The following CSMD1 variants were observed in gnomAD, a reference collection of about 807,000 sequenced individuals.
CSMD1 encodes the protein CUB and Sushi multiple domains 1, also known as CUB and sushi domain-containing protein 1.
CSMD1 carries 213 observed loss-of-function variants against 417.5 expected under a neutral mutation model. That is an observed-to-expected ratio of 0.51 (90% CI 0.46 to 0.57). The LOEUF (loss-of-function observed/expected upper bound fraction) is 0.57, where lower values mean the gene tolerates loss of function less well. Ranked by LOEUF, CSMD1 falls within the 20% of genes least tolerant of loss-of-function variation. The probability of loss-of-function intolerance (pLI) is 0.00; values close to 1 mark genes in which losing one functional copy is unlikely to be tolerated. For missense variants in CSMD1, 6,923 were observed against 4,529.7 expected, an observed-to-expected ratio of 1.53 and a Z score of -15.17; for synonymous variants, 2,862 against 1,736.8, an observed-to-expected ratio of 1.65 and a Z score of -16.11.
intron 1 of CSMD1, among the ~76,000 whole-genome samples, chr8:4,738,903 T>TGTGTGTGTGTGTGTG (rs140973405): frequency 2.0e-5 from 3 of 147,396 alleles, no homozygotes; most frequent in African/African-American, 5.2e-5. Context: ...TTCTGTGTGT[T>TGTGTGTGTGTGTGTG]TGTGTGTGTG....
intron 18 of CSMD1, among the ~76,000 whole-genome samples, chr8:3,380,491 A>G (rs939769513): frequency 3.3e-5 from 5 of 152,182 alleles, no homozygotes; most frequent in Non-Finnish European, 5.9e-5. Flanking sequence ...AACAAACCCA[A>G]ATGTCCATCA....
chr8:3,888,388 G>A (rs911903720), intron 5 of CSMD1, among the ~76,000 whole-genome samples: 1 of 152,176 alleles, frequency 6.6e-6, no homozygotes, highest in African/African-American at 2.4e-5. Context: ...TCATAGAGAA[G>A]CCTATTTCAT....
chr8:3,914,032 A>G (rs1808637632), intron 5 of CSMD1, among the ~76,000 whole-genome samples: 3 of 152,154 alleles, frequency 2.0e-5, no homozygotes, highest in South Asian at 2.1e-4. Context: ...CTATACTTCT[A>G]AGTTAAAGAA....
At chr8:3,551,832 C>T (rs917454432) in intron 10 of CSMD1, among the ~76,000 whole-genome samples, 4 of 151,962 alleles carry the variant, frequency 2.6e-5, no homozygotes, top group Non-Finnish European at 4.4e-5. Context: ...TCAGTCTAGA[C>T]GTGGCTTTAG....
rs565324474 is a variant in CSMD1, at chr8:3,303,664, T to C, written c.3950+4031A>G. 2.0e-5 allele frequency among the ~76,000 whole-genome samples: 3 copies of C among 152,362 alleles called. No individual in the cohort carries two copies. The South Asian group carries it at 6.2e-4, about 32-fold the overall frequency. ...TAGGAACAGTGTACACATATGGTTA[T>C]GTAAAACATAGCCTTTAATGTTGCT... On this transcript the variant is annotated intron_variant, in intron 25 of 69. Coordinates refer to ENST00000635120, the MANE Select transcript of CSMD1 (RefSeq NM_033225.6).
At chr8:3,791,777 C>T (rs779075277) in intron 5 of CSMD1, among the ~76,000 whole-genome samples, 4 of 152,042 alleles carry the variant, frequency 2.6e-5, no homozygotes, top group South Asian at 2.1e-4. Flanking sequence ...GAGCCGACGT[C>T]GCAGCACTGC....
intron 5 of CSMD1, among the ~76,000 whole-genome samples, chr8:3,957,408 T>C (rs1206297792): frequency 6.6e-6 from 1 of 152,190 alleles, no homozygotes; most frequent in Non-Finnish European, 1.5e-5. Context: ...CTGGGAGCAG[T>C]GGCTCCCACC....
chr8:4,297,487 C>T (rs536140609), intron 3 of CSMD1, among the ~76,000 whole-genome samples: 15 of 152,282 alleles, frequency 9.9e-5, no homozygotes, highest in African/African-American at 3.6e-4. Flanking sequence ...ATTCAGTTAA[C>T]CAAAGTTACA....
At chr8:4,255,556 C>G (rs1657860227) in intron 3 of CSMD1, among the ~76,000 whole-genome samples, 1 of 152,122 alleles carries the variant, frequency 6.6e-6, no homozygotes, top group Non-Finnish European at 1.5e-5. Flanking sequence ...TTTTTATCTT[C>G]TAGATAGAAT....
At chr8:4,127,584 T>G (rs1268103035) in intron 3 of CSMD1, among the ~76,000 whole-genome samples, 1 of 152,044 alleles carries the variant, frequency 6.6e-6, no homozygotes, top group African/African-American at 2.4e-5. Context: ...ATTTTCTAAT[T>G]GTTTCTACTT....
At chr8:3,043,162 T>C (rs1190936975) in intron 50 of CSMD1, among the ~76,000 whole-genome samples, 1 of 151,712 alleles carries the variant, frequency 6.6e-6, no homozygotes, top group Non-Finnish European at 1.5e-5. Flanking sequence ...TAGCGATATA[T>C]ACAGATTATA....
At chr8:3,349,321 C>T (rs1808234911) in intron 21 of CSMD1, among the ~76,000 whole-genome samples, 1 of 152,182 alleles carries the variant, frequency 6.6e-6, no homozygotes, top group Non-Finnish European at 1.5e-5. Context: ...CAATCAGCTA[C>T]ATCACTGGCC....
At chr8:4,063,072 G>T (rs1799063510) in intron 3 of CSMD1, among the ~76,000 whole-genome samples, 1 of 152,042 alleles carries the variant, frequency 6.6e-6, no homozygotes, top group African/African-American at 2.4e-5. Flanking sequence ...TGAGAGAGAA[G>T]AAAAACGTTC....
intron 5 of CSMD1, among the ~76,000 whole-genome samples, chr8:3,794,673 C>T (rs1799941500): frequency 6.6e-6 from 1 of 151,770 alleles, no homozygotes; most frequent in Non-Finnish European, 1.5e-5. Flanking sequence ...TGGTATTTAT[C>T]CTACTGGAAA....
intron 1 of CSMD1, among the ~76,000 whole-genome samples, chr8:4,916,303 A>G (rs1305522192): frequency 6.6e-6 from 1 of 152,240 alleles, no homozygotes; most frequent in Non-Finnish European, 1.5e-5. Context: ...TGCTCTTCAC[A>G]TCAGCAGATA....
At chr8:4,316,025 G>A (rs956844832) in intron 3 of CSMD1, among the ~76,000 whole-genome samples, 1 of 151,704 alleles carries the variant, frequency 6.6e-6, no homozygotes, top group Non-Finnish European at 1.5e-5. Context: ...AGGCATTATT[G>A]AAATTTGAAA....
chr8:4,541,906 C>G (rs1797405410), intron 2 of CSMD1, among the ~76,000 whole-genome samples: 1 of 152,098 alleles, frequency 6.6e-6, no homozygotes, highest in African/African-American at 2.4e-5. Context: ...CCTGTAGCTG[C>G]ACTCTGTCCA....
At chr8:3,682,526 A>G (rs947877416) in intron 7 of CSMD1, among the ~76,000 whole-genome samples, 13 of 152,234 alleles carry the variant, frequency 8.5e-5, no homozygotes, top group African/African-American at 2.9e-4. Flanking sequence ...GGCGATCATT[A>G]AAAAGTCAGG....
chr8:4,024,716 T>G (rs939490700), intron 4 of CSMD1, among the ~76,000 whole-genome samples: 3 of 152,164 alleles, frequency 2.0e-5, no homozygotes, highest in Non-Finnish European at 4.4e-5. Flanking sequence ...GGTGGTTCAT[T>G]GGAGTTGCAC....
Sources: allele counts gnomAD v4.1 joint callset (sites outside exome capture counted in the v4.1 genomes callset), GRCh38; gene constraint gnomAD v4.1.1; transcripts MANE v1.5; gene names NCBI Gene and HGNC (gene_info 2026-07-23, HGNC 2026-07-21).